ABCA13: variants seen among roughly 807,000 people sequenced by gnomAD.
ABCA13 encodes ATP-binding cassette sub-family A member 13.
Under a neutral mutation model 478.7 loss-of-function variants are expected in ABCA13, and 476 were observed. The ratio of observed to expected loss-of-function variants is 0.99; its 90% confidence interval spans 0.92 to 1.07. ABCA13 has a LOEUF of 1.07. Among genes scored for constraint, ABCA13 ranks in the 50% least tolerant of loss-of-function variants. ABCA13 has a pLI of 0.00. For missense variants in ABCA13, 6,060 were observed against 5,910.6 expected, an observed-to-expected ratio of 1.03 and a Z score of -0.83; for synonymous variants, 2,252 against 2,158.9, an observed-to-expected ratio of 1.04 and a Z score of -1.20.
chr7:48,342,314 C>G (rs557272071), intron 29 of ABCA13, among the ~76,000 whole-genome samples: 1 of 152,212 alleles, frequency 6.6e-6, no homozygotes, highest in South Asian at 2.1e-4. Flanking sequence ...TCTCCTTGTT[C>G]CATCAGCTCT....
intron 47 of ABCA13, among the ~76,000 whole-genome samples, chr7:48,484,702 G>C (rs1405313867): frequency 6.6e-6 from 1 of 152,202 alleles, no homozygotes; most frequent in African/African-American, 2.4e-5. Context: ...TGTTTGAGTG[G>C]TGATTGCTGA....
intron 3 of ABCA13, among the ~76,000 whole-genome samples, chr7:48,202,690 T>G: frequency 6.6e-6 from 1 of 151,568 alleles, no homozygotes. Context: ...GAGTGTCAAC[T>G]GGTGCACTCA....
At chr7:48,625,422 A>G (rs1475052119) in intron 59 of ABCA13, among the ~76,000 whole-genome samples, 1 of 152,194 alleles carries the variant, frequency 6.6e-6, no homozygotes, top group African/African-American at 2.4e-5. Context: ...TGTGCTACTG[A>G]GTTATATTTT....
At chr7:48,568,031 C>T (rs988425908) in intron 55 of ABCA13, among the ~76,000 whole-genome samples, 7 of 152,082 alleles carry the variant, frequency 4.6e-5, no homozygotes, top group Admixed American at 2.6e-4. Flanking sequence ...TTAACTAAGA[C>T]ATAATTCACA....
chr7:48,601,586 T>C (rs1257169572), intron 58 of ABCA13, among the ~76,000 whole-genome samples: 1 of 152,228 alleles, frequency 6.6e-6, no homozygotes, highest in East Asian at 1.9e-4. Flanking sequence ...TATTCCATGA[T>C]GTATATGTAC....
At chr7:48,633,070 G>A (rs894416768) in intron 59 of ABCA13, among the ~76,000 whole-genome samples, 2 of 152,006 alleles carry the variant, frequency 1.3e-5, no homozygotes, top group African/African-American at 4.8e-5. Context: ...AAGACAAAAA[G>A]TAAATTAATT....
chr7:48,379,257 A>G (rs1223967763), intron 35 of ABCA13, among the ~76,000 whole-genome samples: 1 of 152,210 alleles, frequency 6.6e-6, no homozygotes, highest in African/African-American at 2.4e-5. Context: ...TTCCACTTTG[A>G]CAAAGTCTGC....
Position 48,219,356 on chromosome 7 carries a change from T to C in ABCA13, c.290T>C (p.Leu97Ser). The C allele has an allele frequency of 6.2e-7, 1 of 1,605,428 alleles. No individual in the cohort carries two copies. The highest frequency in any genetic ancestry group is 1.3e-5 in the African/African-American group (1 of 74,162). ...TGCAGTATTTATTCTGTTTAAAGTT[T>C]GTCTAGGTTCCAAACTGCAGCTGAC... ...YEGSMEHHFR[L>S]SRFQTAADPK... The change falls in exon 4 of 62, where the codon TTG becomes TCG. Residue 97 changes from leucine to serine, a missense_variant and splice_region_variant. By Grantham distance (145) the Leu-to-Ser change is moderately radical. This residue lies in a region of ABCA13 where 4,423 missense variants were observed against 4,309.1 expected (regional missense o/e 1.03). Transcript: ENST00000435803.
intron 58 of ABCA13, among the ~76,000 whole-genome samples, chr7:48,611,617 C>T (rs1327037393): frequency 2.0e-5 from 3 of 152,210 alleles, no homozygotes; most frequent in East Asian, 3.9e-4. Context: ...GGAAGTGCTA[C>T]ACACTTTTAA....
intron 41 of ABCA13, among the ~76,000 whole-genome samples, chr7:48,419,168 C>T (rs1820414615): frequency 6.6e-6 from 1 of 152,226 alleles, no homozygotes; most frequent in African/African-American, 2.4e-5. Flanking sequence ...CCCCATGATC[C>T]AGTCACCTCC....
At chr7:48,473,152 C>A (rs1045359107) in intron 45 of ABCA13, among the ~76,000 whole-genome samples, 1 of 152,170 alleles carries the variant, frequency 6.6e-6, no homozygotes, top group Non-Finnish European at 1.5e-5. Flanking sequence ...TCAGTTATCT[C>A]CCATTGGGGT....
rs561232695 is a variant in ABCA13, at chr7:48,441,942, A to G, written c.12566-13095A>G. 6.6e-5 allele frequency among the ~76,000 whole-genome samples: 10 copies of G among 152,362 alleles called. No homozygotes were observed. The South Asian group carries it at 2.1e-3, about 32-fold the overall frequency. On this transcript the variant is annotated intron_variant, in intron 42 of 61. Coordinates refer to ENST00000435803, the MANE Select transcript of ABCA13 (RefSeq NM_152701.5). Reference sequence around the variant, plus strand: ...ACAAATTAGCATGGTGAAACCTACAAAAGAACTGTGTGCTAAATGTTGGAG... The same window carrying G: ...ACAAATTAGCATGGTGAAACCTACAGAAGAACTGTGTGCTAAATGTTGGAG...
intron 1 of ABCA13, among the ~76,000 whole-genome samples, chr7:48,183,094 G>T (rs1220062687): frequency 6.6e-6 from 1 of 152,096 alleles, no homozygotes; most frequent in African/African-American, 2.4e-5. Flanking sequence ...CTTTACTTTA[G>T]CTTCCTGGAT....
At chr7:48,619,741 A>G (rs958167327) in intron 59 of ABCA13, among the ~76,000 whole-genome samples, 8 of 152,144 alleles carry the variant, frequency 5.3e-5, no homozygotes, top group Admixed American at 4.6e-4. Context: ...AAGGAGGAAG[A>G]CACATCCAGT....
At chr7:48,531,436 G>T (rs974303688) in intron 55 of ABCA13, among the ~76,000 whole-genome samples, 5 of 151,836 alleles carry the variant, frequency 3.3e-5, no homozygotes, top group Non-Finnish European at 7.4e-5. Context: ...ATGCCTCCAG[G>T]TTTGTTCTTT....
At chr7:48,608,828 A>T (rs1791741692) in intron 58 of ABCA13, among the ~76,000 whole-genome samples, 2 of 152,160 alleles carry the variant, frequency 1.3e-5, no homozygotes, top group African/African-American at 2.4e-5. Flanking sequence ...CTTTTTGTTC[A>T]ATTTTCAGAA....
intron 1 of ABCA13, among the ~76,000 whole-genome samples, chr7:48,191,221 T>G (rs974663787): frequency 2.0e-5 from 3 of 152,210 alleles, no homozygotes; most frequent in Non-Finnish European, 4.4e-5. Flanking sequence ...CTGAGCGTCC[T>G]TGACCTTTCT....
intron 1 of ABCA13, among the ~76,000 whole-genome samples, chr7:48,183,147 ATCT>A (rs1438585022): frequency 1.3e-5 from 2 of 152,138 alleles, no homozygotes; most frequent in Non-Finnish European, 2.9e-5. Context: ...AGCCAACGAG[ATCT>A]TCTGGCTAGC....
At chr7:48,575,813 A>T (rs1324082953) in intron 55 of ABCA13, among the ~76,000 whole-genome samples, 1 of 152,002 alleles carries the variant, frequency 6.6e-6, no homozygotes, top group African/African-American at 2.4e-5. Context: ...AAAATTATCA[A>T]CTCTTCTTAG....
Sources: gnomAD v4.1 joint callset for allele counts (sites outside exome capture counted in the v4.1 genomes callset) on GRCh38, gnomAD v4.1.1 for gene constraint, gnomAD v4.1.1 regional missense constraint, MANE v1.5 for transcripts, NCBI Gene and HGNC (gene_info 2026-07-23, HGNC 2026-07-21) for gene names.